Variants in SPTA1 observed in about 807,000 individuals in gnomAD.
The protein encoded by SPTA1 is spectrin alpha, erythrocytic 1.
Under a neutral mutation model 324.7 loss-of-function variants are expected in SPTA1, and 177 were observed. That is an observed-to-expected ratio of 0.55 (90% CI 0.48 to 0.62). The LOEUF (loss-of-function observed/expected upper bound fraction) is 0.62. Among genes scored for constraint, SPTA1 ranks in the 20% least tolerant of loss-of-function variants. The pLI is 0.00. For missense variants in SPTA1, 3,162 were observed against 2,883.6 expected, an observed-to-expected ratio of 1.10 and a Z score of -2.21; for synonymous variants, 1,195 against 1,041.3, an observed-to-expected ratio of 1.15 and a Z score of -2.84.
At chr1:158,665,242 C>G (rs1653508410) in intron 16 of SPTA1, among the ~76,000 whole-genome samples, 1 of 152,162 alleles carries the variant, frequency 6.6e-6, no homozygotes, top group Non-Finnish European at 1.5e-5. Context: ...CTTTGAAACT[C>G]TGTTCTCCGG....
In SPTA1 at chr1:158,680,725, GCCT is replaced by G. The variant is rs1654746115; in HGVS notation, c.533_535del (p.Glu178del). On this transcript the variant is annotated inframe_deletion and splice_region_variant, in exon 5 of 52. Coordinates refer to ENST00000643759, the MANE Select transcript of SPTA1 (RefSeq NM_003126.4). ...ACCTAGCTCCACTGATGTCGCTATAGCCTCCTGTAGACACAGAAGTTGATTGAG... is the reference window on the plus strand; with the variant it reads ...ACCTAGCTCCACTGATGTCGCTATAGCCTGTAGACACAGAAGTTGATTGAG... The G allele has an allele frequency of 1.9e-6, 3 of 1,613,496 alleles. No individual in the cohort carries two copies. The African/African-American group carries it at 4.0e-5, about 22-fold the overall frequency.
At chr1:158,648,295 G>A (rs1652147602) in intron 26 of SPTA1, among the ~76,000 whole-genome samples, 1 of 152,168 alleles carries the variant, frequency 6.6e-6, no homozygotes, top group Non-Finnish European at 1.5e-5. Flanking sequence ...TCAGACAGCA[G>A]GAGTTTAACA....
At chr1:158,666,070 G>A (rs180882130) in intron 16 of SPTA1, among the ~76,000 whole-genome samples, 31 of 152,048 alleles carry the variant, frequency 2.0e-4, no homozygotes, top group African/African-American at 6.8e-4. Flanking sequence ...AAAGCAGTTG[G>A]TTTACTAAAA....
At position 158,652,476 on chromosome 1, in the gene SPTA1, C is replaced by A; in HGVS notation, c.3366G>T (p.Glu1122Asp). 1 of 1,614,124 alleles carries A rather than the reference C, an allele frequency of 6.2e-7. No individual in the cohort carries two copies. The highest frequency in any genetic ancestry group is 8.5e-7 in the Non-Finnish European group (1 of 1,180,010). Residue 1122 changes from glutamate to aspartate, a missense_variant, in exon 23 of 52, where the codon GAG becomes GAT. Glu to Asp is a conservative substitution (Grantham distance 45, BLOSUM62 2). Transcript: ENST00000643759. ...DVWELQKKFDEFQKDLNTNEP... is the reference protein window; with the variant it reads ...DVWELQKKFDDFQKDLNTNEP... ...GGTTCCTCTTTCTCACCTTTTGGAA[C>A]TCATCAAACTTTTTCTGCAGCTCCC...
chr1:158,627,430 A>G (rs1650352552), intron 40 of SPTA1, among the ~76,000 whole-genome samples, 195 bp downstream of exon 40: 1 of 152,226 alleles, frequency 6.6e-6, no homozygotes, highest in Non-Finnish European at 1.5e-5. Flanking sequence ...TAAGAACTTG[A>G]AAAAAGAATT....
At chr1:158,685,082 T>A in intron 2 of SPTA1, 26 bp downstream of exon 2, 1 of 1,613,476 alleles carries the variant, frequency 6.2e-7, no homozygotes, top group Non-Finnish European at 8.5e-7. Flanking sequence ...GGGTCTGCTC[T>A]GAGGCAATCA....
chr1:158,618,003 A>G, intron 46 of SPTA1, 36 bp downstream of exon 46: 1 of 1,593,206 alleles, frequency 6.3e-7, no homozygotes, highest in Non-Finnish European at 8.6e-7. Context: ...ATAATAATAT[A>G]ATAAAGCAAA....
At chr1:158,660,609 G>A (rs1557970085) in intron 18 of SPTA1, among the ~76,000 whole-genome samples, 1 of 152,194 alleles carries the variant, frequency 6.6e-6, no homozygotes, top group Non-Finnish European at 1.5e-5. Flanking sequence ...TTCTACAGTT[G>A]TTGGTTTGAA....
At chr1:158,641,029 G>C (rs1229238289) in intron 33 of SPTA1, among the ~76,000 whole-genome samples, 13 of 152,126 alleles carry the variant, frequency 8.5e-5, no homozygotes, top group Non-Finnish European at 1.9e-4. Context: ...TCTGATCTTT[G>C]ACAAACCTGA....
At chr1:158,634,423 T>C in intron 39 of SPTA1, 120 bp downstream of exon 39, 1 of 1,412,832 alleles carries the variant, frequency 7.1e-7, no homozygotes, top group Non-Finnish European at 9.9e-7. Flanking sequence ...GGATTATTCG[T>C]ATTTCCTTCA....
At chr1:158,679,907 A>G (rs749851681) in intron 5 of SPTA1, among the ~76,000 whole-genome samples, 5 of 152,196 alleles carry the variant, frequency 3.3e-5, no homozygotes, top group Non-Finnish European at 7.3e-5. Flanking sequence ...GCACTCATTC[A>G]TTCTGAAGTC....
rs1654255770 is a variant in SPTA1, at chr1:158,674,404, T to C, written c.1275A>G (p.Arg425=). The change falls in exon 10 of 52, where the codon CGA becomes CGG. Residue 425 remains arginine (R), a synonymous_variant. Transcript: ENST00000643759. ...HKHEIDSYDD[R]FQSADETGQD... is the part of the protein sequence containing the mutation. ...GACCAGTCTCATCAGCAGATTGAAA[T>C]CGGTCATCGTAAGAGTCAATCTCAT... 1.9e-6 allele frequency: 3 copies of C among 1,613,972 alleles called. No homozygotes were observed. Among genetic ancestry groups the C allele is most frequent in the Non-Finnish European group, 2.5e-6 (3 of 1,179,978 alleles).
At chr1:158,633,426 T>A (rs545241486) in intron 39 of SPTA1, among the ~76,000 whole-genome samples, 12 of 151,852 alleles carry the variant, frequency 7.9e-5, no homozygotes, top group Non-Finnish European at 1.5e-4. Flanking sequence ...TTTGGGAGGC[T>A]GAGGTGGGTG....
At chr1:158,683,706 TTTTAAA>T (rs1654973252) in intron 2 of SPTA1, among the ~76,000 whole-genome samples, 12 of 152,142 alleles carry the variant, frequency 7.9e-5, no homozygotes, top group African/African-American at 2.9e-4. Flanking sequence ...CCGAGCCTTA[TTTTAAA>T]GGCTCAATAG....
Position 158,676,218 on chromosome 1 carries a change from T to C in SPTA1, c.1035A>G (p.Lys345=). ...PSDAPQIQEM[K]EDLVSSWEHI... The stretch of plus-strand genomic sequence containing the variant: ...GCTCCCAGCTGGAGACCAGATCTTC[T>C]TTCATCTCCTGGATCTGAGGTGCAT... Residue 345 remains lysine (K), a synonymous_variant, in exon 8 of 52, where the codon AAA becomes AAG. Coordinates refer to ENST00000643759, the MANE Select transcript of SPTA1 (RefSeq NM_003126.4). The C allele has an allele frequency of 6.2e-7, 1 of 1,613,840 alleles. No homozygotes were observed. The highest frequency in any genetic ancestry group is 8.5e-7 in the Non-Finnish European group (1 of 1,179,812).
In SPTA1 at chr1:158,648,662, C is replaced by T. The variant is rs770685393; in HGVS notation, c.3570-9G>A. ...TCGTGTCATCTGCTTCTCTGGTATA[C>T]AAGAGAGTAGAGAGTTCAAAAGTAA... is the stretch of plus-strand genomic sequence containing the variant. On this transcript the variant is annotated splice_polypyrimidine_tract_variant and intron_variant, in intron 25 of 51. Coordinates refer to ENST00000643759, the MANE Select transcript of SPTA1 (RefSeq NM_003126.4). The T allele has an allele frequency of 1.2e-6, 2 of 1,613,212 alleles. No homozygotes were observed. Among genetic ancestry groups the T allele is most frequent in the African/African-American group, 1.3e-5 (1 of 74,834 alleles).
chr1:158,652,170 C>G (rs576994305), intron 23 of SPTA1, among the ~76,000 whole-genome samples: 2 of 152,136 alleles, frequency 1.3e-5, no homozygotes, highest in Non-Finnish European at 2.9e-5. Flanking sequence ...AACCTGGGCA[C>G]TGGAAACAAA....
chr1:158,644,438 G>A, intron 29 of SPTA1, 42 bp from the exon 30 acceptor site: 2 of 1,612,038 alleles, frequency 1.2e-6, no homozygotes, highest in Non-Finnish European at 1.7e-6. Context: ...TAGTCCATGT[G>A]GTGTGGAGGA....
intron 45 of SPTA1, among the ~76,000 whole-genome samples, 190 bp downstream of exon 45, chr1:158,619,032 A>G (rs1234755593): frequency 6.6e-6 from 1 of 152,220 alleles, no homozygotes; most frequent in Non-Finnish European, 1.5e-5. Flanking sequence ...TGAAATTGTC[A>G]TTTCTTGGTT....
Sources: gnomAD v4.1 joint callset for allele counts (sites outside exome capture counted in the v4.1 genomes callset) on GRCh38, gnomAD v4.1.1 for gene constraint, MANE v1.5 for transcripts, NCBI Gene and HGNC (gene_info 2026-07-23, HGNC 2026-07-21) for gene names.